The following LRRC63 variants were observed in gnomAD, a reference collection of about 807,000 sequenced individuals.
LRRC63 encodes the protein leucine rich repeat containing 63.
In LRRC63, 40 loss-of-function variants were observed where a neutral mutation model predicts 49.5. That is an observed-to-expected ratio of 0.81 (90% CI 0.63 to 1.05). LRRC63 has a LOEUF of 1.05. LRRC63 is among the 50% of genes least tolerant of loss of function. The probability of loss-of-function intolerance (pLI) is 0.00; values close to 1 mark genes in which losing one functional copy is unlikely to be tolerated. For missense variants in LRRC63, 636 were observed against 663.1 expected, an observed-to-expected ratio of 0.96 and a Z score of 0.45; for synonymous variants, 191 against 221.1, an observed-to-expected ratio of 0.86 and a Z score of 1.21.
chr13:46,215,371 A>C (rs560940618), intron 2 of LRRC63, among the ~76,000 whole-genome samples: 30 of 152,168 alleles, frequency 2.0e-4, no homozygotes, highest in Admixed American at 6.5e-4. Flanking sequence ...TAGTGATGTT[A>C]AGCTTTTTTT....
intron 5 of LRRC63, among the ~76,000 whole-genome samples, chr13:46,235,875 C>T (rs1003879142): frequency 1.3e-5 from 2 of 151,882 alleles, no homozygotes; most frequent in Admixed American, 6.6e-5. Flanking sequence ...AAACTATGGA[C>T]AGAGAGCTAA....
At chr13:46,272,257 C>T (rs2047770518) in intron 9 of LRRC63, among the ~76,000 whole-genome samples, 1 of 152,048 alleles carries the variant, frequency 6.6e-6, no homozygotes, top group Non-Finnish European at 1.5e-5. Context: ...GAAAGCAATA[C>T]CTTCGATAAG....
At chr13:46,264,639 G>A (rs987637436) in intron 8 of LRRC63, among the ~76,000 whole-genome samples, 1 of 123,724 alleles carries the variant, frequency 8.1e-6, no homozygotes, top group African/African-American at 3.2e-5. Context: ...CCCCAACTTT[G>A]TATCCATCCC....
At chr13:46,213,176 CT>C in intron 2 of LRRC63, 57 bp downstream of exon 2, 1 of 1,178,760 alleles carries the variant, frequency 8.5e-7, no homozygotes, top group Non-Finnish European at 1.2e-6. Flanking sequence ...ATAGAAATTC[CT>C]TGACTTGCAC....
chr13:46,232,365 C>T (rs1459561142), intron 4 of LRRC63, among the ~76,000 whole-genome samples: 2 of 152,282 alleles, frequency 1.3e-5, no homozygotes, highest in African/African-American at 2.4e-5. Flanking sequence ...AACAAGACTC[C>T]AAGAAACACA....
chr13:46,225,133 T>C (rs2046532026), intron 2 of LRRC63, among the ~76,000 whole-genome samples: 1 of 152,166 alleles, frequency 6.6e-6, no homozygotes, highest in Non-Finnish European at 1.5e-5. Context: ...GTAGAGGTGG[T>C]GAATGACCCT....
At chr13:46,274,384 G>T (rs73470027) in intron 9 of LRRC63, among the ~76,000 whole-genome samples, 4,908 of 152,194 alleles carry the variant, frequency 0.032, 266 homozygotes, top group African/African-American at 0.11. Flanking sequence ...ATCCTGAATT[G>T]CTAGCTACTG....
chr13:46,228,308 C>T, intron 3 of LRRC63, 119 bp downstream of exon 3: 1 of 735,488 alleles, frequency 1.4e-6, no homozygotes, highest in African/African-American at 1.8e-5. Context: ...GATGGAATCA[C>T]CTTTTATATA....
intron 8 of LRRC63, among the ~76,000 whole-genome samples, 183 bp downstream of exon 8, chr13:46,262,175 C>T (rs1192471268): frequency 3.7e-5 from 5 of 133,436 alleles, no homozygotes; most frequent in African/African-American, 1.4e-4. Context: ...ATAACATTTC[C>T]AGAAATTATT....
intron 7 of LRRC63, among the ~76,000 whole-genome samples, chr13:46,251,257 A>G (rs1338383926): frequency 6.6e-6 from 1 of 151,904 alleles, no homozygotes; most frequent in African/African-American, 2.4e-5. Flanking sequence ...TTTGTAATTA[A>G]TGATCTAAAA....
At chr13:46,236,308 A>G (rs145477481) in intron 5 of LRRC63, among the ~76,000 whole-genome samples, 5 of 152,234 alleles carry the variant, frequency 3.3e-5, no homozygotes, top group Non-Finnish European at 5.9e-5. Context: ...GCACAAATCT[A>G]TACATCCAGG....
intron 7 of LRRC63, among the ~76,000 whole-genome samples, chr13:46,261,335 T>C (rs997910052): frequency 2.6e-5 from 4 of 152,208 alleles, no homozygotes; most frequent in Admixed American, 6.5e-5. Flanking sequence ...GTCATACTTA[T>C]ACTAACTTGG....
exon 3 of LRRC63, chr13:46,228,019 C>G: frequency 6.4e-7 from 1 of 1,551,068 alleles, no homozygotes; most frequent in Non-Finnish European, 8.7e-7. Flanking sequence ...GACTTAAGTG[C>G]AACAGTGCCA....
intron 9 of LRRC63, among the ~76,000 whole-genome samples, chr13:46,269,369 G>C (rs1050807932): frequency 2.6e-5 from 4 of 152,114 alleles, no homozygotes; most frequent in African/African-American, 4.8e-5. Context: ...TCTCATGCAC[G>C]TGGGAAAACT....
intron 9 of LRRC63, 92 bp downstream of exon 9, chr13:46,267,064 T>C (rs1019521216): frequency 1.0e-5 from 12 of 1,184,348 alleles, no homozygotes; most frequent in Non-Finnish European, 1.4e-5. Flanking sequence ...GTCACTAACA[T>C]GCACACATAC....
At chr13:46,269,691 AGT>A (rs971084853) in intron 9 of LRRC63, among the ~76,000 whole-genome samples, 6 of 151,590 alleles carry the variant, frequency 4.0e-5, no homozygotes, top group African/African-American at 1.2e-4. Flanking sequence ...ATTTGACAAA[AGT>A]GTAATATTTA....
At chr13:46,218,068 G>A (rs1455793993) in intron 2 of LRRC63, among the ~76,000 whole-genome samples, 1 of 152,194 alleles carries the variant, frequency 6.6e-6, no homozygotes, top group Non-Finnish European at 1.5e-5. Flanking sequence ...TGAGAAGAAT[G>A]TATATTCTGT....
intron 2 of LRRC63, among the ~76,000 whole-genome samples, chr13:46,226,431 G>T (rs1405757584): frequency 6.6e-6 from 1 of 152,240 alleles, no homozygotes; most frequent in Non-Finnish European, 1.5e-5. Flanking sequence ...GGAGATACAA[G>T]TCAAGTAGTT....
intron 5 of LRRC63, among the ~76,000 whole-genome samples, chr13:46,236,568 C>A (rs1413327341): frequency 6.6e-6 from 1 of 151,994 alleles, no homozygotes; most frequent in Admixed American, 6.6e-5. Context: ...AAGTCTATAC[C>A]CAGAAAATCT....
Sources: gnomAD v4.1 joint callset for allele counts (sites outside exome capture counted in the v4.1 genomes callset) on GRCh38, gnomAD v4.1.1 for gene constraint, MANE v1.5 for transcripts, NCBI Gene and HGNC (gene_info 2026-07-23, HGNC 2026-07-21) for gene names.